The following ZNF527 variants were observed in gnomAD, a reference collection of about 807,000 sequenced individuals.
The protein encoded by ZNF527 is zinc finger protein 527.
In ZNF527, 5 loss-of-function variants were observed where a neutral mutation model predicts 13.5. The ratio of observed to expected loss-of-function variants is 0.37; its 90% CI spans 0.19 to 0.78. The LOEUF (loss-of-function observed/expected upper bound fraction) is 0.78. ZNF527 is among the 30% of genes least tolerant of loss of function. ZNF527 has a pLI of 0.48. For missense variants in ZNF527, 628 were observed against 726.4 expected, an observed-to-expected ratio of 0.86 and a Z score of 1.56; for synonymous variants, 209 against 243.1, an observed-to-expected ratio of 0.86 and a Z score of 1.30.
At chr19:37,385,498 G>T in intron 4 of ZNF527, 1 of 396,168 alleles carries the variant, frequency 2.5e-6, no homozygotes, top group East Asian at 3.6e-5. Flanking sequence ...GGTATAAAAT[G>T]CAAGGGCTTA....
At chr19:37,377,764 G>A (rs368603586) in intron 2 of ZNF527, among the ~76,000 whole-genome samples, 6 of 152,080 alleles carry the variant, frequency 3.9e-5, no homozygotes, top group South Asian at 2.1e-4. Context: ...GACCACCCAG[G>A]GTGGGACTCC....
At chr19:37,376,661 A>T (rs1470455510) in intron 2 of ZNF527, among the ~76,000 whole-genome samples, 1 of 144,758 alleles carries the variant, frequency 6.9e-6, no homozygotes, top group East Asian at 2.0e-4. Context: ...GGCCTGGGTG[A>T]CACGAGTGAA....
rs1050024983 is a variant in ZNF527 at position 37,386,140 on chromosome 19, C to CTTTTTT, written c.257-2149_257-2144dup. Among the ~76,000 whole-genome samples the CTTTTTT allele has an allele frequency of 1.3e-3, 92 of 72,444 alleles. 9 individuals are homozygous for CTTTTTT. Among genetic ancestry groups the CTTTTTT allele is most frequent in the East Asian group, 4.9e-3 (11 of 2,242 alleles). The allele number at this position is 72,444 out of a possible 152,430, so 47.5% of individuals were successfully genotyped here. ...TAGAACTTTCTTTTCTCTTCTTTTC[C>CTTTTTT]TTTTTTTTTTTTTTTTTTTTTTGAG... is the stretch of plus-strand genomic sequence containing the variant. On this transcript the variant is annotated intron_variant, in intron 4 of 4. Transcript: ENST00000436120.
chr19:37,372,157 G>A (rs256737), intron 1 of ZNF527, among the ~76,000 whole-genome samples: 17,078 of 151,830 alleles, frequency 0.11, 1,231 homozygotes, highest in Non-Finnish European at 0.16. Flanking sequence ...GCACCACCAC[G>A]CCCAGCTAGT....
At chr19:37,387,652 G>A (rs1043917208) in intron 4 of ZNF527, among the ~76,000 whole-genome samples, 3 of 152,060 alleles carry the variant, frequency 2.0e-5, no homozygotes, top group East Asian at 1.9e-4. Context: ...AAAGTATCAC[G>A]TATCTTCTCA....
chr19:37,375,311 T>TTTGTTTTCTTTCTTTCTTTC (rs760003304), intron 2 of ZNF527, among the ~76,000 whole-genome samples: 9 of 79,836 alleles, frequency 1.1e-4, no homozygotes, highest in African/African-American at 5.1e-4. Context: ...TCTTTCTTTC[T>TTTGTTTTCTTTCTTTCTTTC]TTTCTTTCTT....
In ZNF527 at chr19:37,388,375, A is replaced by G. The variant is rs1341809858; in HGVS notation, c.326A>G (p.Gln109Arg). ...TTCATTGATGAAGATGAAATATCCC[A>G]GGAGATGGTAATGGAAAGGCTAGCA... ...KWFIDEDEIS[Q>R]EMVMERLASH... The change falls in exon 5 of 5, where the codon CAG becomes CGG. Residue 109 changes from glutamine to arginine, a missense_variant. Gln to Arg is a conservative substitution (Grantham distance 43). This residue lies in a region of ZNF527 where 592 missense variants were observed against 678.0 expected (regional missense o/e 0.87). Coordinates refer to ENST00000436120, the MANE Select transcript of ZNF527 (RefSeq NM_032453.2). The G allele has an allele frequency of 6.2e-7, 1 of 1,614,150 alleles. No homozygotes were observed.
chr19:37,383,014 C>A (rs1469889507), intron 4 of ZNF527, among the ~76,000 whole-genome samples: 1 of 151,938 alleles, frequency 6.6e-6, no homozygotes, highest in Non-Finnish European at 1.5e-5. Context: ...GCCGTATATA[C>A]GTAGTTTTAT....
At chr19:37,374,105 CA>C in intron 1 of ZNF527, 52 bp from the exon 2 acceptor site, 12 of 1,319,460 alleles carry the variant, frequency 9.1e-6, no homozygotes, top group Non-Finnish European at 1.2e-5. Flanking sequence ...GGTCTTGGAC[CA>C]AAAACACAGG....
intron 3 of ZNF527, 165 bp from the exon 4 acceptor site, chr19:37,380,112 C>T (rs770750750): frequency 1.5e-6 from 2 of 1,312,986 alleles, no homozygotes; most frequent in Admixed American, 6.4e-5. Flanking sequence ...CATCCTCCTC[C>T]TCATCCATAC....
chr19:37,389,138 T>C lies in ZNF527; in HGVS notation c.1089T>C (p.Cys363=). 1.9e-6 allele frequency: 3 copies of C among 1,614,214 alleles called. No individual in the cohort carries two copies. The highest frequency in any genetic ancestry group is 2.7e-5 in the African/African-American group (2 of 75,066). The change falls in exon 5 of 5, where the codon TGT becomes TGC. Residue 363 remains cysteine, a synonymous_variant. Coordinates refer to ENST00000436120, the MANE Select transcript of ZNF527 (RefSeq NM_032453.2). ...AGAAACCGTTTGCGTGCAATGAATG[T>C]GGGAAGGCCTTTAGCCGTTATGCCT... is the stretch of plus-strand genomic sequence containing the variant. ...TGEKPFACNE[C]GKAFSRYAFL...
At chr19:37,382,278 T>C (rs1309365685) in intron 4 of ZNF527, among the ~76,000 whole-genome samples, 2 of 118,504 alleles carry the variant, frequency 1.7e-5, no homozygotes, top group Non-Finnish European at 3.5e-5. Flanking sequence ...AACAGATAGA[T>C]AGATAGGTAG....
At chr19:37,388,219 A>G in intron 4 of ZNF527, 87 bp from the exon 5 acceptor site, 4 of 1,470,390 alleles carry the variant, frequency 2.7e-6, no homozygotes, top group East Asian at 2.3e-5. Flanking sequence ...CCTTCCCCCC[A>G]GTTAAATTCT....
intron 4 of ZNF527, among the ~76,000 whole-genome samples, chr19:37,380,820 G>A (rs760858695): frequency 1.1e-4 from 16 of 152,032 alleles, no homozygotes; most frequent in East Asian, 1.9e-4. Context: ...TCTTGTTCCC[G>A]GCTCCCCAGT....
At chr19:37,380,193 C>A (rs572793099) in intron 3 of ZNF527, 84 bp from the exon 4 acceptor site, 2 of 1,555,430 alleles carry the variant, frequency 1.3e-6, no homozygotes, top group East Asian at 2.3e-5. Context: ...ATTGGGTCTG[C>A]GTCCTAGACA....
At chr19:37,386,637 A>G (rs1356183316) in intron 4 of ZNF527, among the ~76,000 whole-genome samples, 1 of 152,214 alleles carries the variant, frequency 6.6e-6, no homozygotes, top group African/African-American at 2.4e-5. Flanking sequence ...AGCTCTATAC[A>G]GTCTTTTAAT....
At chr19:37,380,500 C>T (rs2040645421) in intron 4 of ZNF527, 128 bp downstream of exon 4, 1 of 629,106 alleles carries the variant, frequency 1.6e-6, no homozygotes, top group Non-Finnish European at 2.6e-6. Flanking sequence ...TCCCTAGAAA[C>T]CTCACCACAC....
At chr19:37,381,822 T>G (rs2040656185) in intron 4 of ZNF527, among the ~76,000 whole-genome samples, 1 of 152,178 alleles carries the variant, frequency 6.6e-6, no homozygotes, top group Non-Finnish European at 1.5e-5. Flanking sequence ...AAGGAAGAGC[T>G]GCTCTTTCTC....
In ZNF527 at chr19:37,389,192, A is replaced by G. The variant is rs750858690; in HGVS notation, c.1143A>G (p.Thr381=). The G allele has an allele frequency of 6.2e-7, 1 of 1,613,970 alleles. No homozygotes were observed. The highest frequency in any genetic ancestry group is 8.5e-7 in the Non-Finnish European group (1 of 1,179,990). ...TTGTTGAACATCAGAGAATTCACAC[A>G]GGTGAGAAACCATATGAATGTAAAG... ...AFLVEHQRIH[T]GEKPYECKEC... is the part of the protein sequence containing the mutation. Residue 381 remains threonine (T), a synonymous_variant, in exon 5 of 5, where the codon ACA becomes ACG. Transcript: ENST00000436120.
Sources: allele counts gnomAD v4.1 joint callset (sites outside exome capture counted in the v4.1 genomes callset), GRCh38; gene constraint gnomAD v4.1.1; regional missense constraint gnomAD v4.1.1; transcripts MANE v1.5; gene names NCBI Gene and HGNC (gene_info 2026-07-23, HGNC 2026-07-21).